The following PRKD1 variants were observed in gnomAD, a reference collection of about 807,000 sequenced individuals.
The protein encoded by PRKD1 is serine/threonine-protein kinase D1.
In PRKD1, 63 loss-of-function variants were observed where a neutral mutation model predicts 95.9. The observed-to-expected ratio is 0.66, with a 90% CI of 0.54 to 0.81. The LOEUF (loss-of-function observed/expected upper bound fraction) is 0.81, where lower values mean the gene tolerates loss of function less well. Ranked by LOEUF, PRKD1 falls within the 30% of genes least tolerant of loss-of-function variation. The pLI, the probability that PRKD1 is intolerant of heterozygous loss-of-function variation, is 0.00. For missense variants in PRKD1, 1,048 were observed against 1,165.3 expected, an observed-to-expected ratio of 0.90 and a Z score of 1.47; for synonymous variants, 425 against 423.1, an observed-to-expected ratio of 1.00 and a Z score of -0.05.
At chr14:29,812,870 A>T in intron 1 of PRKD1, among the ~76,000 whole-genome samples, 1 of 152,196 alleles carries the variant, frequency 6.6e-6, no homozygotes, top group East Asian at 1.9e-4. Flanking sequence ...GCACTTTGGG[A>T]GGCCAAGGCA....
At chr14:29,776,434 G>A (rs1427007597) in intron 1 of PRKD1, among the ~76,000 whole-genome samples, 1 of 152,162 alleles carries the variant, frequency 6.6e-6, no homozygotes, top group Non-Finnish European at 1.5e-5. Context: ...AATAAGTAGT[G>A]TAGAGAAGTC....
At chr14:29,926,434 A>G (rs12587006) in intron 1 of PRKD1, among the ~76,000 whole-genome samples, 28,649 of 151,972 alleles carry the variant, frequency 0.19, 2,840 homozygotes, top group Middle Eastern at 0.28. Flanking sequence ...GAAAATCCAA[A>G]TTGCTACTGT....
chr14:29,637,553 T>C (rs1566504274), intron 6 of PRKD1, among the ~76,000 whole-genome samples: 1 of 152,152 alleles, frequency 6.6e-6, no homozygotes, highest in Admixed American at 6.6e-5. Context: ...GTTATAGTTA[T>C]CCAGTACACA....
At chr14:29,897,564 T>G (rs1313348964) in intron 1 of PRKD1, among the ~76,000 whole-genome samples, 1 of 152,154 alleles carries the variant, frequency 6.6e-6, no homozygotes, top group Non-Finnish European at 1.5e-5. Flanking sequence ...TGAAATTATT[T>G]GTGTCACAGT....
At chr14:29,599,236 T>C (rs1430271865) in intron 14 of PRKD1, 111 bp from the exon 15 acceptor site, 1 of 855,638 alleles carries the variant, frequency 1.2e-6, no homozygotes, top group South Asian at 1.6e-5. Flanking sequence ...AATTTCTTTA[T>C]GTTAAAGACA....
chr14:29,597,579 T>C lies in PRKD1; in HGVS notation c.2346A>G (p.Pro782=), dbSNP rs1383477250. The C allele has an allele frequency of 6.2e-7, 1 of 1,614,076 alleles. No homozygotes were observed. Among genetic ancestry groups the C allele is most frequent in the Non-Finnish European group, 8.5e-7 (1 of 1,179,960 alleles). ...CGTGTATGTCTTCATCTTCATTAAA[T>C]GGGAATGTGCCGCTTAGGCTTACAT... The part of the protein sequence containing the change: ...IIYVSLSGTF[P]FNEDEDIHDQ... The change falls in exon 16 of 18, where the codon CCA becomes CCG. Residue 782 remains proline (P), a synonymous_variant. Coordinates refer to ENST00000331968, the MANE Select transcript of PRKD1 (RefSeq NM_002742.3).
intron 16 of PRKD1, among the ~76,000 whole-genome samples, chr14:29,578,567 A>T (rs1892646836): frequency 6.7e-6 from 1 of 149,172 alleles, no homozygotes; most frequent in East Asian, 1.9e-4. Context: ...AAAAAAAAAA[A>T]AAAAGAAGAA....
At chr14:29,843,861 C>T (rs1008657438) in intron 1 of PRKD1, among the ~76,000 whole-genome samples, 2 of 152,166 alleles carry the variant, frequency 1.3e-5, no homozygotes, top group Admixed American at 6.5e-5. Flanking sequence ...TTGTTTGCAA[C>T]TTAAACACAG....
intron 1 of PRKD1, among the ~76,000 whole-genome samples, chr14:29,875,376 C>T (rs893496260): frequency 8.5e-5 from 13 of 152,114 alleles, no homozygotes; most frequent in African/African-American, 2.9e-4. Context: ...TATGATGCAA[C>T]TAACAAGTGA....
At chr14:29,902,068 G>A (rs1019442378) in intron 1 of PRKD1, among the ~76,000 whole-genome samples, 1 of 152,108 alleles carries the variant, frequency 6.6e-6, no homozygotes, top group African/African-American at 2.4e-5. Context: ...CTCTAAGCAT[G>A]TCTTGGAGCA....
chr14:29,877,422 C>T (rs886547944), intron 1 of PRKD1, among the ~76,000 whole-genome samples: 5 of 152,166 alleles, frequency 3.3e-5, no homozygotes, highest in African/African-American at 1.2e-4. Flanking sequence ...TGCAAATATT[C>T]TCTCATTCTG....
intron 1 of PRKD1, among the ~76,000 whole-genome samples, chr14:29,849,846 A>G (rs1394557451): frequency 6.6e-6 from 1 of 152,166 alleles, no homozygotes; most frequent in Non-Finnish European, 1.5e-5. Flanking sequence ...TAAAATCTTC[A>G]TTTACCAGGA....
At chr14:29,912,100 G>A (rs1009373198) in intron 1 of PRKD1, among the ~76,000 whole-genome samples, 11 of 152,118 alleles carry the variant, frequency 7.2e-5, no homozygotes, top group Admixed American at 6.5e-5. Context: ...ACCTAGTTAG[G>A]AGAACTGTCC....
intron 4 of PRKD1, among the ~76,000 whole-genome samples, chr14:29,654,125 T>C (rs1881696137): frequency 6.6e-6 from 1 of 152,122 alleles, no homozygotes; most frequent in South Asian, 2.1e-4. Context: ...TGGATTCTAA[T>C]AATGTTATCT....
At chr14:29,629,265 C>T (rs957061062) in intron 10 of PRKD1, among the ~76,000 whole-genome samples, 172 bp from the exon 11 acceptor site, 1 of 152,190 alleles carries the variant, frequency 6.6e-6, no homozygotes, top group African/African-American at 2.4e-5. Context: ...TTCAAAATTA[C>T]ATATTCAACA....
At chr14:29,925,398 T>C (rs944600018) in intron 1 of PRKD1, among the ~76,000 whole-genome samples, 8 of 152,176 alleles carry the variant, frequency 5.3e-5, no homozygotes, top group East Asian at 3.8e-4. Context: ...TTCTAGCAAT[T>C]TGAGTTTAAT....
chr14:29,804,136 G>A (rs1206102377), intron 1 of PRKD1, among the ~76,000 whole-genome samples: 2 of 151,990 alleles, frequency 1.3e-5, no homozygotes, highest in African/African-American at 4.8e-5. Context: ...CAGCTACTGG[G>A]GAGGCTGAGG....
At chr14:29,581,834 A>T (rs1238353043) in intron 16 of PRKD1, among the ~76,000 whole-genome samples, 1 of 152,114 alleles carries the variant, frequency 6.6e-6, no homozygotes, top group Non-Finnish European at 1.5e-5. Context: ...GCTATGTATT[A>T]ATACAATTAT....
chr14:29,659,641 G>T (rs1249868728), intron 4 of PRKD1, among the ~76,000 whole-genome samples: 1 of 152,090 alleles, frequency 6.6e-6, no homozygotes, highest in African/African-American at 2.4e-5. Flanking sequence ...GTTATTAACA[G>T]GTGTTCTTTC....
Sources: allele counts gnomAD v4.1 joint callset (sites outside exome capture counted in the v4.1 genomes callset), GRCh38; gene constraint gnomAD v4.1.1; transcripts MANE v1.5; gene names NCBI Gene and HGNC (gene_info 2026-07-23, HGNC 2026-07-21).